Variants in PSD3 observed in about 807,000 individuals in gnomAD.
The protein encoded by PSD3 is pleckstrin and Sec7 domain containing 3.
In PSD3, 49 loss-of-function variants were observed where a neutral mutation model predicts 105.5. The ratio of observed to expected loss-of-function variants is 0.46; its 90% CI spans 0.37 to 0.59. The LOEUF (loss-of-function observed/expected upper bound fraction) is 0.59. PSD3 is among the 20% of genes least tolerant of loss of function. The probability of loss-of-function intolerance (pLI) is 0.00; values close to 1 mark genes in which losing one functional copy is unlikely to be tolerated. For missense variants in PSD3, 1,561 were observed against 1,263.8 expected (o/e 1.24, Z -3.57); for synonymous variants, 557 against 457.8 (o/e 1.22, Z -2.77).
chr8:18,899,310 C>T (rs548524099), intron 2 of PSD3, among the ~76,000 whole-genome samples: 1 of 152,210 alleles, frequency 6.6e-6, no homozygotes, highest in African/African-American at 2.4e-5. Flanking sequence ...AATATCTTGT[C>T]ATGATTTTCT....
At chr8:18,626,136 T>C (rs745512136) in intron 11 of PSD3, among the ~76,000 whole-genome samples, 3 of 152,064 alleles carry the variant, frequency 2.0e-5, no homozygotes, top group Non-Finnish European at 4.4e-5. Flanking sequence ...ACAATTTGTC[T>C]CCTGGAGGCA....
intron 2 of PSD3, among the ~76,000 whole-genome samples, chr8:18,884,894 A>G (rs1818358363): frequency 6.6e-6 from 1 of 152,250 alleles, no homozygotes; most frequent in African/African-American, 2.4e-5. Flanking sequence ...CGCATACAGC[A>G]TACCAAAGGG....
chr8:19,026,699 T>TATAAA (rs1827561333), intron 1 of PSD3, among the ~76,000 whole-genome samples: 1 of 16,126 alleles, frequency 6.2e-5, no homozygotes, highest in Admixed American at 7.7e-4. Context: ...ACCACATCTC[T>TATAAA]ACAAAAAAAA....
chr8:18,746,848 T>C (rs902691874), intron 9 of PSD3, among the ~76,000 whole-genome samples: 3 of 152,252 alleles, frequency 2.0e-5, no homozygotes, highest in Non-Finnish European at 2.9e-5. Flanking sequence ...AATTATTAAT[T>C]TGTATCCTAA....
intron 1 of PSD3, among the ~76,000 whole-genome samples, chr8:18,963,410 T>C (rs1307166797): frequency 1.3e-5 from 2 of 152,226 alleles, no homozygotes; most frequent in African/African-American, 4.8e-5. Context: ...CCAGAGCCTC[T>C]GACGTTTCTG....
rs1488922 is a variant in PSD3, at chr8:18,584,279, T to C, written c.2482-8994A>G. 5.8e-3 allele frequency among the ~76,000 whole-genome samples: 877 copies of C among 152,276 alleles called. 2 individuals are homozygous for C. Among genetic ancestry groups the C allele is most frequent in the East Asian group, 0.011 (58 of 5,170 alleles). On this transcript the variant is annotated intron_variant, in intron 12 of 15. Coordinates refer to ENST00000327040, the MANE Select transcript of PSD3 (RefSeq NM_015310.4). ...ATTCAAGTCAGAGGCTGAAGGAAAG[T>C]TAATGCACAGTTGCTGTGCAGTGGC...
At chr8:18,937,288 C>T (rs916305726) in intron 1 of PSD3, among the ~76,000 whole-genome samples, 4 of 152,232 alleles carry the variant, frequency 2.6e-5, no homozygotes, top group African/African-American at 7.2e-5. Flanking sequence ...AACCAGGATA[C>T]AGATATCACC....
intron 1 of PSD3, among the ~76,000 whole-genome samples, chr8:18,983,851 T>A (rs571289071): frequency 6.6e-6 from 1 of 151,658 alleles, no homozygotes; most frequent in African/African-American, 2.4e-5. Context: ...AAAAAATGTT[T>A]TAACCGGCTG....
At chr8:19,033,173 C>T (rs755231209) in intron 1 of PSD3, among the ~76,000 whole-genome samples, 11 of 151,904 alleles carry the variant, frequency 7.2e-5, no homozygotes, top group South Asian at 2.1e-4. Context: ...CCATTTGGTT[C>T]AGAAAAAAAG....
rs10104424 is a variant in PSD3 at position 18,620,212 on chromosome 8, G to C, written c.2410+12401C>G. ...CCATTTCAAGATGCTCACCTTTTGG[G>C]GCTGAACCAATGGATACCTTTCATG... On this transcript the variant is annotated intron_variant, in intron 11 of 15. Transcript: ENST00000327040. Among the ~76,000 whole-genome samples, 11 of 151,996 alleles carry C rather than the reference G, an allele frequency of 7.2e-5. No homozygotes were observed. The South Asian group carries it at 2.3e-3, about 32-fold the overall frequency.
intron 4 of PSD3, among the ~76,000 whole-genome samples, chr8:18,817,115 A>C (rs550764322): frequency 6.6e-6 from 1 of 152,340 alleles, no homozygotes; most frequent in African/African-American, 2.4e-5. Context: ...AAGAGGAGTT[A>C]AAGAGTCCCA....
At chr8:18,724,568 C>G (rs760283185) in intron 9 of PSD3, among the ~76,000 whole-genome samples, 11 of 151,930 alleles carry the variant, frequency 7.2e-5, no homozygotes, top group Non-Finnish European at 1.6e-4. Context: ...GCTATGATCA[C>G]TCCATTGTAC....
chr8:18,687,162 T>A (rs969647272), intron 9 of PSD3, among the ~76,000 whole-genome samples: 1 of 152,182 alleles, frequency 6.6e-6, no homozygotes, highest in Non-Finnish European at 1.5e-5. Context: ...GTCATTCAAC[T>A]TTCTTTTAAA....
At chr8:18,538,098 A>G (rs1043522712) in intron 15 of PSD3, among the ~76,000 whole-genome samples, 15 of 152,222 alleles carry the variant, frequency 9.9e-5, no homozygotes, top group Admixed American at 1.3e-4. Context: ...AAATGGAAAG[A>G]CGGAGAGAGC....
chr8:18,954,385 A>G (rs1476038108), intron 1 of PSD3, among the ~76,000 whole-genome samples: 1 of 56,184 alleles, frequency 1.8e-5, no homozygotes, highest in Non-Finnish European at 5.6e-5. Context: ...TTTTATAAGA[A>G]AAAAAAAGAG....
chr8:18,830,588 A>G (rs1813603997), intron 4 of PSD3, among the ~76,000 whole-genome samples: 1 of 152,246 alleles, frequency 6.6e-6, no homozygotes, highest in African/African-American at 2.4e-5. Flanking sequence ...ATCAAAGTAC[A>G]CTTTGGTTAT....
At chr8:19,052,473 AAAAAAAAAAAAAG>A (rs1021609959) in intron 1 of PSD3, among the ~76,000 whole-genome samples, 3 of 148,142 alleles carry the variant, frequency 2.0e-5, no homozygotes, top group Non-Finnish European at 3.0e-5. Context: ...TCTGTCTCAA[AAAAAAAAAAAAAG>A]AAAAAGAAAA....
chr8:18,607,693 A>AC (rs1804950577), intron 11 of PSD3, among the ~76,000 whole-genome samples: 1 of 90,470 alleles, frequency 1.1e-5, no homozygotes, highest in Non-Finnish European at 2.4e-5. Context: ...CAAAAAAAAA[A>AC]AACAAAACAA....
At chr8:18,914,873 C>T (rs887758077) in intron 2 of PSD3, among the ~76,000 whole-genome samples, 7 of 152,026 alleles carry the variant, frequency 4.6e-5, no homozygotes, top group African/African-American at 7.2e-5. Flanking sequence ...TCATACAGAA[C>T]CAAAACAGAC....
Sources: allele counts gnomAD v4.1 joint callset (sites outside exome capture counted in the v4.1 genomes callset), GRCh38; gene constraint gnomAD v4.1.1; transcripts MANE v1.5; gene names NCBI Gene and HGNC (gene_info 2026-07-23, HGNC 2026-07-21).